CELF2: variants seen among roughly 807,000 people sequenced by gnomAD.
CELF2 encodes CUGBP Elav-like family member 2, also known as CUG triplet repeat RNA-binding protein 2.
Under a neutral mutation model 62.6 loss-of-function variants are expected in CELF2, and 8 were observed. The observed-to-expected ratio is 0.13, with a 90% CI of 0.07 to 0.23. CELF2 has a LOEUF of 0.23. Ranked by LOEUF, CELF2 falls within the 10% of genes least tolerant of loss-of-function variation. CELF2 has a pLI of 1.00. For synonymous variants in CELF2, 258 were observed against 250.0 expected, an observed-to-expected ratio of 1.03 and a Z score of -0.30; for missense variants, 333 against 671.0, an observed-to-expected ratio of 0.50 and a Z score of 5.56.
At chr10:10,637,444 A>G in the CELF2 span, among the ~76,000 whole-genome samples, 1 of 152,158 alleles carries the variant, frequency 6.6e-6, no homozygotes, top group Non-Finnish European at 1.5e-5. Context: ...TCTTGCAGCC[A>G]TTGTATTTGA....
intron 11 of CELF2, among the ~76,000 whole-genome samples, chr10:11,323,602 C>T (rs1038248108): frequency 1.2e-4 from 19 of 152,030 alleles, no homozygotes; most frequent in South Asian, 8.3e-4. Flanking sequence ...GGAATGGGGA[C>T]GCTGGTGGAC....
At chr10:11,018,205 T>C in intron 1 of CELF2, 42 bp downstream of exon 1, 1 of 1,481,076 alleles carries the variant, frequency 6.8e-7, no homozygotes, top group South Asian at 1.2e-5. Context: ...GCGGGCGTCC[T>C]CCTCCCAGAG....
At chr10:11,087,237 A>G (rs910307026) in intron 1 of CELF2, among the ~76,000 whole-genome samples, 4 of 152,216 alleles carry the variant, frequency 2.6e-5, no homozygotes, top group Non-Finnish European at 4.4e-5. Context: ...ACCGGCTCCC[A>G]AACTGAATGA....
chr10:11,250,504 G>C (rs1360625099), intron 4 of CELF2, among the ~76,000 whole-genome samples: 3 of 152,156 alleles, frequency 2.0e-5, no homozygotes, highest in Admixed American at 1.3e-4. Flanking sequence ...ATCCGCTGCT[G>C]CTCTGTGGCC....
chr10:11,044,861 G>T (rs559503877), intron 1 of CELF2, among the ~76,000 whole-genome samples: 5 of 152,260 alleles, frequency 3.3e-5, no homozygotes, highest in East Asian at 1.9e-4. Context: ...TACCAAAAGG[G>T]ATATTGACAA....
At chr10:10,570,092 C>T in the CELF2 span, among the ~76,000 whole-genome samples, 2 of 152,146 alleles carry the variant, frequency 1.3e-5, no homozygotes, top group East Asian at 3.9e-4. Flanking sequence ...ATTGAGGTGT[C>T]ATAACATGAG....
the CELF2 span, among the ~76,000 whole-genome samples, chr10:10,764,128 G>A: frequency 6.6e-6 from 1 of 152,226 alleles, no homozygotes; most frequent in Non-Finnish European, 1.5e-5. Context: ...GGAAAGGAAA[G>A]GAGATGTCAG....
At chr10:10,966,022 C>G (rs112073771) in intron 2 of CELF2, among the ~76,000 whole-genome samples, 2 of 152,326 alleles carry the variant, frequency 1.3e-5, no homozygotes, top group African/African-American at 4.8e-5. Flanking sequence ...ACGGGCCCTA[C>G]TTACTGTGCT....
chr10:10,814,944 T>C (rs949380647), intron 1 of CELF2, among the ~76,000 whole-genome samples: 2 of 152,182 alleles, frequency 1.3e-5, no homozygotes, highest in African/African-American at 4.8e-5. Flanking sequence ...CCTTCCTGGT[T>C]AGGATAGCTC....
chr10:11,284,841 A>G (rs1590669022), intron 8 of CELF2, among the ~76,000 whole-genome samples: 1 of 139,632 alleles, frequency 7.2e-6, no homozygotes, highest in East Asian at 2.3e-4. Context: ...TAATGGATGG[A>G]TGGGTGGATG....
At chr10:10,857,649 G>GTTTT (rs1554855649) in intron 1 of CELF2, among the ~76,000 whole-genome samples, 2 of 94,258 alleles carry the variant, frequency 2.1e-5, no homozygotes, top group African/African-American at 4.7e-5. Context: ...CATATATATA[G>GTTTT]TATATATATA....
chr10:10,549,382 C>T, the CELF2 span, among the ~76,000 whole-genome samples: 1 of 152,192 alleles, frequency 6.6e-6, no homozygotes, highest in Non-Finnish European at 1.5e-5. Flanking sequence ...CTCCTGTGTT[C>T]AAGCAATTCT....
At chr10:10,598,429 A>G in the CELF2 span, among the ~76,000 whole-genome samples, 2 of 152,196 alleles carry the variant, frequency 1.3e-5, no homozygotes, top group African/African-American at 2.4e-5. Flanking sequence ...CTGGGCAGCC[A>G]TATTAATCAG....
chr10:10,870,243 G>A (rs749669083), intron 1 of CELF2, among the ~76,000 whole-genome samples: 6 of 151,524 alleles, frequency 4.0e-5, no homozygotes, highest in East Asian at 1.9e-4. Flanking sequence ...AGATATGTAC[G>A]TTAAATTTAG....
At chr10:10,475,504 T>C in the CELF2 span, among the ~76,000 whole-genome samples, 1 of 152,026 alleles carries the variant, frequency 6.6e-6, no homozygotes, top group Non-Finnish European at 1.5e-5. Context: ...AATTTTCTAC[T>C]TCCAGATCAA....
upstream of CELF2, among the ~76,000 whole-genome samples, chr10:10,798,219 G>C (rs1487724904): frequency 6.6e-6 from 1 of 152,136 alleles, no homozygotes; most frequent in African/African-American, 2.4e-5. Flanking sequence ...GCCTCTGAGG[G>C]TAGCTCTAAG....
At chr10:11,001,545 C>T (rs2054517646), upstream of CELF2, among the ~76,000 whole-genome samples, 1 of 152,122 alleles carries the variant, frequency 6.6e-6, no homozygotes, top group African/African-American at 2.4e-5. Context: ...AACAAATGCA[C>T]CTATAATTTC....
intron 1 of CELF2, among the ~76,000 whole-genome samples, chr10:11,059,350 G>A (rs1290166673): frequency 2.0e-5 from 3 of 152,178 alleles, no homozygotes; most frequent in Non-Finnish European, 2.9e-5. Flanking sequence ...TACTGTACCT[G>A]ATCATTTGGC....
At chr10:11,002,416 A>C (rs2054608757), upstream of CELF2, among the ~76,000 whole-genome samples, 1 of 152,196 alleles carries the variant, frequency 6.6e-6, no homozygotes, top group Non-Finnish European at 1.5e-5. The surrounding 1 kb of genome is among the most constrained non-coding windows in gnomAD (Gnocchi z 4.4). Context: ...CTATCACATT[A>C]GGGAAGTGTA....
Sources: gnomAD v4.1 joint callset for allele counts (sites outside exome capture counted in the v4.1 genomes callset) on GRCh38, gnomAD v4.1.1 for gene constraint, Gnocchi (gnomAD v3.1) non-coding constraint, MANE v1.5 for transcripts, NCBI Gene and HGNC (gene_info 2026-07-23, HGNC 2026-07-21) for gene names.